Variants in GPHN observed in about 807,000 individuals in gnomAD.
The protein encoded by GPHN is gephyrin.
A neutral mutation model predicts 95.5 loss-of-function variants in GPHN; 17 were observed. That is an observed-to-expected ratio of 0.18 (90% CI 0.12 to 0.27). The LOEUF is 0.27. Ranked by LOEUF, GPHN falls within the 10% of genes least tolerant of loss-of-function variation. GPHN has a pLI of 1.00. For synonymous variants in GPHN, 320 were observed against 322.5 expected (o/e 0.99, Z 0.08); for missense variants, 660 against 978.1 (o/e 0.67, Z 4.34).
chr14:67,715,267 A>C, the GPHN span: 1 of 152,206 alleles, frequency 6.6e-6, no homozygotes, highest in Non-Finnish European at 1.5e-5. Context: ...AGGCCCTACA[A>C]TATCCAGATC....
At chr14:67,272,338 G>A in the GPHN span, among the ~76,000 whole-genome samples, 3 of 151,822 alleles carry the variant, frequency 2.0e-5, no homozygotes, top group African/African-American at 7.3e-5. Flanking sequence ...GGTTCATATG[G>A]CCCCTTTATT....
chr14:67,321,092 G>T, the GPHN span: 1 of 1,614,072 alleles, frequency 6.2e-7, no homozygotes, highest in Non-Finnish European at 8.5e-7. Flanking sequence ...AGAAGTAGCC[G>T]GTAGAGATTA....
intron 1 of GPHN, among the ~76,000 whole-genome samples, chr14:66,659,721 G>A (rs1372822366): frequency 6.6e-6 from 1 of 151,926 alleles, no homozygotes; most frequent in Non-Finnish European, 1.5e-5. Context: ...TACTTTACCT[G>A]GTATTAATAC....
the GPHN span, among the ~76,000 whole-genome samples, chr14:67,409,770 C>T: frequency 1.3e-5 from 2 of 152,320 alleles, no homozygotes; most frequent in South Asian, 2.1e-4. Flanking sequence ...CAGGCCCTGC[C>T]CCACCTCTGA....
the GPHN span, among the ~76,000 whole-genome samples, chr14:67,273,128 TTTTTATAC>T: frequency 6.6e-6 from 1 of 152,032 alleles, no homozygotes; most frequent in African/African-American, 2.4e-5. Flanking sequence ...TTTTTTTTTT[TTTTTATAC>T]TTTAAGTTCT....
the GPHN span, among the ~76,000 whole-genome samples, chr14:67,505,903 G>A: frequency 6.6e-6 from 1 of 152,076 alleles, no homozygotes; most frequent in Admixed American, 6.5e-5. Context: ...TTTCCACCAT[G>A]TTGGCCAGGC....
intron 1 of GPHN, among the ~76,000 whole-genome samples, chr14:66,646,530 A>G (rs2153359378): frequency 6.6e-6 from 1 of 152,304 alleles, no homozygotes; most frequent in African/African-American, 2.4e-5. Flanking sequence ...AGAACAGCCA[A>G]AAGGTGGAAG....
At chr14:67,213,827 T>C in the GPHN span, among the ~76,000 whole-genome samples, 1 of 152,212 alleles carries the variant, frequency 6.6e-6, no homozygotes, top group African/African-American at 2.4e-5. Flanking sequence ...CCAGCACCTG[T>C]TGTTTCCTGA....
At chr14:66,896,768 TTAAAG>T (rs2153544539) in intron 5 of GPHN, among the ~76,000 whole-genome samples, 1 of 151,562 alleles carries the variant, frequency 6.6e-6, no homozygotes, top group East Asian at 1.9e-4. Context: ...AGGAAAATAC[TTAAAG>T]TAAGATAAGA....
the GPHN span, among the ~76,000 whole-genome samples, chr14:67,213,661 G>A: frequency 1.3e-5 from 2 of 152,018 alleles, no homozygotes; most frequent in African/African-American, 4.8e-5. Context: ...ATGATTTATA[G>A]TCCTTTGGGT....
the GPHN span, chr14:67,684,940 G>C: frequency 1.6e-6 from 2 of 1,212,510 alleles, no homozygotes; most frequent in East Asian, 4.7e-5. Flanking sequence ...TTTTAAAAAA[G>C]GGTATACCCA....
the GPHN span, among the ~76,000 whole-genome samples, chr14:67,240,737 C>T: frequency 2.6e-5 from 4 of 152,348 alleles, no homozygotes; most frequent in South Asian, 6.2e-4. Context: ...CCAGCCATGC[C>T]CGGAGCACGG....
the GPHN span, among the ~76,000 whole-genome samples, chr14:67,358,157 T>C: frequency 2.0e-5 from 3 of 152,058 alleles, no homozygotes; most frequent in Admixed American, 2.0e-4. Flanking sequence ...TGCTAGAAGA[T>C]AAACTAGTGT....
chr14:66,797,685 G>A (rs1434109464), intron 3 of GPHN, among the ~76,000 whole-genome samples: 2 of 151,922 alleles, frequency 1.3e-5, no homozygotes, highest in Admixed American at 1.3e-4. Flanking sequence ...TTTGTATCCT[G>A]TAACTTCACT....
chr14:66,860,973 G>A (rs982385790), intron 4 of GPHN, among the ~76,000 whole-genome samples: 8 of 151,844 alleles, frequency 5.3e-5, no homozygotes, highest in African/African-American at 1.7e-4. Flanking sequence ...AGAAAAGAAG[G>A]AAGAGAAGAC....
the GPHN span, chr14:67,717,867 C>G: frequency 6.6e-6 from 1 of 152,148 alleles, no homozygotes; most frequent in Non-Finnish European, 1.5e-5. Context: ...AATTCACGAC[C>G]AGCATGGGCA....
intron 12 of GPHN, 37 bp from the exon 13 acceptor site, chr14:67,100,819 T>C (rs768059175): frequency 1.4e-6 from 2 of 1,404,156 alleles, no homozygotes; most frequent in Admixed American, 3.3e-5. Context: ...TGTAGGTCCA[T>C]ACTGATGTTT....
At chr14:67,548,795 G>A in the GPHN span, among the ~76,000 whole-genome samples, 20 of 152,206 alleles carry the variant, frequency 1.3e-4, no homozygotes, top group Non-Finnish European at 2.2e-4. Context: ...CAGTTCCAGT[G>A]CAACCATGTG....
Position 66,686,424 on chromosome 14 carries a change from G to A in GPHN, c.143+5239G>A, listed in dbSNP as rs527771593. Among the ~76,000 whole-genome samples the A allele has an allele frequency of 9.2e-5, 14 of 152,162 alleles. No individual in the cohort carries two copies. In the South Asian group the frequency reaches 2.1e-3, roughly 23 times the overall value. On this transcript the variant is annotated intron_variant, in intron 2 of 22. Coordinates refer to ENST00000478722, the MANE Select transcript of GPHN (RefSeq NM_020806.5). ...ATTTGTTTATGTTCTCTTTTATTTT[G>A]TTGAGCAGTGGTTTGTAGTTCTCCT...
Sources: gnomAD v4.1 joint callset for allele counts (sites outside exome capture counted in the v4.1 genomes callset) on GRCh38, gnomAD v4.1.1 for gene constraint, MANE v1.5 for transcripts, NCBI Gene and HGNC (gene_info 2026-07-23, HGNC 2026-07-21) for gene names.